PNOC: variants seen among roughly 807,000 people sequenced by gnomAD.
The protein encoded by PNOC is prepronociceptin.
PNOC carries 10 observed loss-of-function variants against 15.6 expected under a neutral mutation model. The ratio of observed to expected loss-of-function variants is 0.64; its 90% CI spans 0.40 to 1.09. The LOEUF (loss-of-function observed/expected upper bound fraction) is 1.09, where lower values mean the gene tolerates loss of function less well. Among genes scored for constraint, PNOC ranks in the 50% least tolerant of loss-of-function variants. The pLI is 0.01. For synonymous variants in PNOC, 98 were observed against 88.5 expected (o/e 1.11, Z -0.60); for missense variants, 220 against 223.9 (o/e 0.98, Z 0.11).
Position 28,343,185 on chromosome 8 carries a change from GCTCACCCGC to G in PNOC, c.*295_*303del, listed in dbSNP as rs1801554931. ...CCATTTCAATAGCCCCATCTCTCCT[GCTCACCCGC>G]CTCTTGCCCCTTCTAGGGGCAGGTG... On this transcript the variant is annotated 3_prime_UTR_variant, in exon 4 of 4. Transcript: ENST00000301908. The G allele has an allele frequency of 1.2e-5, 2 of 167,210 alleles. No homozygotes were observed. The highest frequency in any genetic ancestry group is 4.8e-5 in the African/African-American group (2 of 41,722). 10.4% of individuals were successfully genotyped at this position (167,210 alleles called of 1,614,324 possible). A position where few individuals can be genotyped will look rare whatever the true frequency, so the allele number is the denominator to read the frequency against.
chr8:28,335,069 A>C (rs1801389471), intron 2 of PNOC, among the ~76,000 whole-genome samples: 1 of 152,214 alleles, frequency 6.6e-6, no homozygotes, highest in South Asian at 2.1e-4. Flanking sequence ...TGTGACTAAT[A>C]GGTGGACTTG....
chr8:28,335,962 T>C (rs181572074), intron 2 of PNOC, among the ~76,000 whole-genome samples: 1 of 150,124 alleles, frequency 6.7e-6, no homozygotes, highest in Non-Finnish European at 1.5e-5. Context: ...CCTGGACTAA[T>C]GGGACAGATG....
chr8:28,335,965 G>A (rs1269228395), intron 2 of PNOC, among the ~76,000 whole-genome samples: 2 of 151,904 alleles, frequency 1.3e-5, no homozygotes, highest in African/African-American at 4.8e-5. Context: ...GGACTAATGG[G>A]ACAGATGAGT....
chr8:28,318,883 G>T (rs1015736517), intron 1 of PNOC, among the ~76,000 whole-genome samples: 2 of 152,234 alleles, frequency 1.3e-5, no homozygotes, highest in African/African-American at 4.8e-5. Context: ...AGGCGAGTTT[G>T]CATTGTCAGT....
chr8:28,336,870 G>A (rs1354767711), intron 2 of PNOC, among the ~76,000 whole-genome samples: 1 of 151,970 alleles, frequency 6.6e-6, no homozygotes, highest in Non-Finnish European at 1.5e-5. Flanking sequence ...TGGGGGCAGT[G>A]AGAGAGGAGG....
At chr8:28,338,112 G>T (rs1801444707) in intron 2 of PNOC, among the ~76,000 whole-genome samples, 1 of 152,178 alleles carries the variant, frequency 6.6e-6, no homozygotes, top group Non-Finnish European at 1.5e-5. Flanking sequence ...GTAAGGTCAG[G>T]TTGAAGTGGG....
chr8:28,341,525 G>A (rs185880020), intron 3 of PNOC, among the ~76,000 whole-genome samples: 9 of 152,314 alleles, frequency 5.9e-5, no homozygotes, highest in Non-Finnish European at 1.0e-4. Context: ...AATTCTGAAC[G>A]ATGGCAATGT....
At chr8:28,339,799 C>G (rs186655727) in intron 3 of PNOC, 4 of 184,432 alleles carry the variant, frequency 2.2e-5, no homozygotes, top group Admixed American at 6.0e-5. Flanking sequence ...TGGACCAATA[C>G]GCCCATCCAG....
chr8:28,336,694 CATG>C (rs753974577), intron 2 of PNOC, among the ~76,000 whole-genome samples: 19 of 152,136 alleles, frequency 1.2e-4, no homozygotes, highest in South Asian at 6.2e-4. Context: ...AAGGTAATGA[CATG>C]ATTAGTTACT....
At chr8:28,342,354 C>CAAA (rs34315819) in intron 3 of PNOC, among the ~76,000 whole-genome samples, 20 of 85,094 alleles carry the variant, frequency 2.4e-4, no homozygotes, top group African/African-American at 6.4e-4. Flanking sequence ...AACCCCATCT[C>CAAA]AAAAAAAAAA....
At position 28,328,466 on chromosome 8, in the gene PNOC, G is replaced by A. The variant is rs1455796983; in HGVS notation, c.-23-669G>A. Among the ~76,000 whole-genome samples the A allele has an allele frequency of 3.3e-5, 5 of 152,184 alleles. No homozygotes were observed. The South Asian group carries it at 1.0e-3, about 32-fold the overall frequency. On this transcript the variant is annotated intron_variant, in intron 1 of 3. Coordinates refer to ENST00000301908, the MANE Select transcript of PNOC (RefSeq NM_006228.5). ...GAGACAGAGATAGACCATAGCACTA[G>A]CTCACATCTAACAGGGATAAGAGGC...
intron 3 of PNOC, among the ~76,000 whole-genome samples, chr8:28,340,916 C>T (rs1286401114): frequency 6.6e-6 from 1 of 152,220 alleles, no homozygotes; most frequent in Non-Finnish European, 1.5e-5. Context: ...ACTAGGCCCA[C>T]CTCCAACATT....
intron 1 of PNOC, among the ~76,000 whole-genome samples, chr8:28,325,443 G>A (rs532365921): frequency 6.6e-6 from 1 of 151,898 alleles, no homozygotes; most frequent in South Asian, 2.1e-4. Context: ...CACTTGAGGT[G>A]AGGAGTTCAA....
chr8:28,340,616 G>A (rs1461472159), intron 3 of PNOC, among the ~76,000 whole-genome samples: 1 of 152,180 alleles, frequency 6.6e-6, no homozygotes, highest in Non-Finnish European at 1.5e-5. Context: ...GCATTGCTAC[G>A]AAGGAATACC....
chr8:28,340,562 C>T lies in PNOC; in HGVS notation c.*47+1071C>T, dbSNP rs191023033. ...ATATGATCATCTGCAGAGTCCCATA[C>T]GTCTCCTTAAATAGCTAAGAAACTT... On this transcript the variant is annotated intron_variant, in intron 3 of 3. Coordinates refer to ENST00000301908, the MANE Select transcript of PNOC (RefSeq NM_006228.5). 9.2e-5 allele frequency among the ~76,000 whole-genome samples: 14 copies of T among 152,354 alleles called. No homozygotes were observed. In the East Asian group the frequency reaches 1.7e-3, roughly 19 times the overall value.
chr8:28,340,176 A>T (rs1011898986), intron 3 of PNOC: 2 of 152,118 alleles, frequency 1.3e-5, no homozygotes, highest in African/African-American at 4.8e-5. Context: ...GGTCCAATGG[A>T]CCTAGTAGCT....
chr8:28,319,576 A>T (rs1265646291), intron 1 of PNOC, among the ~76,000 whole-genome samples: 1 of 152,204 alleles, frequency 6.6e-6, no homozygotes, highest in Non-Finnish European at 1.5e-5. Context: ...CAGTGAGCTA[A>T]GCTTGTCTAC....
chr8:28,339,452 G>T lies in PNOC; in HGVS notation c.*8G>T. On this transcript the variant is annotated 3_prime_UTR_variant, in exon 3 of 4. Coordinates refer to ENST00000301908, the MANE Select transcript of PNOC (RefSeq NM_006228.5). ...CAGAATGGTAATGTGTAGCCGGAAG[G>T]GGCGCTCCTCCCAGCTGTACCGGCC... 1 of 1,522,764 alleles carries T rather than the reference G, an allele frequency of 6.6e-7. No homozygotes were observed. The highest frequency in any genetic ancestry group is 1.3e-5 in the South Asian group (1 of 78,298). 94.3% of individuals were successfully genotyped at this position (1,522,764 alleles called of 1,614,324 possible).
intron 1 of PNOC, among the ~76,000 whole-genome samples, chr8:28,320,092 CTTTTTTTTTTTTTTTTTTT>C (rs34876964): frequency 3.4e-5 from 1 of 29,728 alleles, no homozygotes; most frequent in East Asian, 1.2e-3. Flanking sequence ...TTCTTTCTTT[CTTTTTTTTTTTTTTTTTTT>C]TTTTTTTTTT....
Sources: allele counts gnomAD v4.1 joint callset (sites outside exome capture counted in the v4.1 genomes callset), GRCh38; gene constraint gnomAD v4.1.1; transcripts MANE v1.5; gene names NCBI Gene and HGNC (gene_info 2026-07-23, HGNC 2026-07-21).